Variants in NADK observed in about 807,000 individuals in gnomAD.
The protein encoded by NADK is poly(P)/ATP NAD kinase.
Under a neutral mutation model 49.8 loss-of-function variants are expected in NADK, and 22 were observed. The observed-to-expected ratio is 0.44, with a 90% confidence interval of 0.32 to 0.63. The LOEUF (loss-of-function observed/expected upper bound fraction) is 0.63. Ranked by LOEUF, NADK falls within the 30% of genes least tolerant of loss-of-function variation. The pLI is 0.06. For missense variants in NADK, 438 were observed against 609.4 expected (o/e 0.72, Z 2.96); for synonymous variants, 268 against 253.7 (o/e 1.06, Z -0.54).
chr1:1,754,009 AAAT>A lies in NADK; in HGVS notation c.1101+39_1101+41del, dbSNP rs1411353041. Reference sequence around the variant, plus strand: ...TCCCGGCTTTGTGTTGCACGGGGTCAAATGACTCACAAACCGGAAAAGGAGTGT... The same window carrying A: ...TCCCGGCTTTGTGTTGCACGGGGTCAGACTCACAAACCGGAAAAGGAGTGT... On this transcript the variant is annotated intron_variant, in intron 10 of 11. Transcript: ENST00000341426. This position sits in a 1 kb window ranked among gnomAD's most constrained non-coding sequence, Gnocchi z 4.3. 1 of 1,536,436 alleles carries A rather than the reference AAAT, an allele frequency of 6.5e-7. No homozygotes were observed. The highest frequency in any genetic ancestry group is 1.2e-5 in the South Asian group (1 of 80,012).
rs376981689 is a variant in NADK, at chr1:1,771,682, G to C, written c.-40-6236C>G. On this transcript the variant is annotated intron_variant, in intron 1 of 11. Transcript: ENST00000341426. ...TAGTTCTGAACAACTGGACAGCCAC[G>C]TCTAAAAGAACGAAGCCCAACCACT... is the stretch of plus-strand genomic sequence containing the variant. Among the ~76,000 whole-genome samples the C allele has an allele frequency of 8.6e-4, 131 of 152,236 alleles. 1 individual carries two copies. In the South Asian group the frequency reaches 0.027, roughly 32 times the overall value.
intron 6 of NADK, 44 bp downstream of exon 6, chr1:1,756,214 C>G: frequency 3.9e-6 from 6 of 1,555,702 alleles, no homozygotes; most frequent in Non-Finnish European, 5.3e-6. Context: ...TACGCAGCAC[C>G]TAGACTAGAA....
At chr1:1,760,226 A>G in intron 3 of NADK, among the ~76,000 whole-genome samples, 1 of 152,182 alleles carries the variant, frequency 6.6e-6, no homozygotes. Context: ...CGCCTCAGGC[A>G]TTTGGCAGCA....
intron 3 of NADK, chr1:1,759,183 G>A (rs1457396932): frequency 5.7e-6 from 9 of 1,569,430 alleles, no homozygotes; most frequent in South Asian, 1.2e-5. Flanking sequence ...TCGTACACCG[G>A]CCCAGGCACC....
rs145143319 is a variant in NADK at position 1,768,806 on chromosome 1, A to T, written c.-40-3360T>A. Reference sequence around the variant, plus strand: ...ACTTTGTTACAGCAGCCTAAATAAAACAACTAAAATATGTGAGATGATGGC... The same window carrying T: ...ACTTTGTTACAGCAGCCTAAATAAATCAACTAAAATATGTGAGATGATGGC... On this transcript the variant is annotated intron_variant, in intron 1 of 11. Coordinates refer to ENST00000341426, the MANE Select transcript of NADK (RefSeq NM_023018.5). 2.0e-5 allele frequency among the ~76,000 whole-genome samples: 3 copies of T among 152,312 alleles called. No homozygotes were observed. In the East Asian group the frequency reaches 5.8e-4, roughly 29 times the overall value.
intron 3 of NADK, among the ~76,000 whole-genome samples, chr1:1,758,112 A>G (rs1193909391): frequency 6.6e-6 from 1 of 152,176 alleles, no homozygotes; most frequent in East Asian, 1.9e-4. Context: ...GGGGCTGGCC[A>G]CCGTCGTCAG....
At position 1,765,250 on chromosome 1, in the gene NADK, G is replaced by A. The variant is rs759164588; in HGVS notation, c.157C>T (p.Leu53=). The A allele has an allele frequency of 1.2e-6, 2 of 1,611,232 alleles. No individual in the cohort carries two copies. Among genetic ancestry groups the A allele is most frequent in the East Asian group, 4.5e-5 (2 of 44,746 alleles). The change falls in exon 2 of 12, where the codon CTG becomes TTG. Residue 53 remains leucine (L), a synonymous_variant. Coordinates refer to ENST00000341426, the MANE Select transcript of NADK (RefSeq NM_023018.5). ...KSRSLSASPA[L]GSTKEFRRTR... is the part of the protein sequence containing the mutation. ...TACCTGAACTCCTTGGTGCTCCCCA[G>A]GGCGGGCGAGGCAGACAGGCTGCGA...
At chr1:1,768,672 T>G (rs1279473793) in intron 1 of NADK, among the ~76,000 whole-genome samples, 1 of 152,194 alleles carries the variant, frequency 6.6e-6, no homozygotes, top group Admixed American at 6.5e-5. Flanking sequence ...AAAGAGAGTC[T>G]TTACGATGAA....
In NADK at chr1:1,765,310, T is replaced by C; in HGVS notation, c.97A>G (p.Ser33Gly). The C allele has an allele frequency of 3.1e-6, 5 of 1,613,600 alleles. No homozygotes were observed. Among genetic ancestry groups the C allele is most frequent in the Non-Finnish European group, 4.2e-6 (5 of 1,179,846 alleles). The change falls in exon 2 of 12, where the codon AGT becomes GGT. Residue 33 changes from serine to glycine, a missense_variant. Ser to Gly is a moderately conservative substitution (Grantham distance 56). Transcript: ENST00000341426. ...CGGCCCCGGATGGGGTGGTTGTAAC[T>C]CCAGGTCTCATCGCCGTGGCAGGCC... ...CSACHGDETWSYNHPIRGRAK... is the reference protein window; with the variant it reads ...CSACHGDETWGYNHPIRGRAK...
At chr1:1,761,924 C>A in intron 3 of NADK, 28 bp downstream of exon 3, 3 of 1,608,106 alleles carry the variant, frequency 1.9e-6, no homozygotes, top group Non-Finnish European at 2.6e-6. Context: ...CTTCCAAGAA[C>A]CCCCCGTCCT....
intron 4 of NADK, 33 bp downstream of exon 4, chr1:1,757,148 A>AGCCCCCGCCCCCCACCCCCCCCCCC: frequency 1.2e-6 from 1 of 859,202 alleles, no homozygotes; most frequent in Non-Finnish European, 1.8e-6. Context: ...CTCCATGTGC[A>AGCCCCCGCCCCCCACCCCCCCCCCC]CCCCAGGCCC....
intron 3 of NADK, chr1:1,759,874 G>T (rs1256577731): frequency 6.4e-7 from 1 of 1,550,738 alleles, no homozygotes; most frequent in Non-Finnish European, 8.7e-7. Flanking sequence ...GAAGGCAGCA[G>T]CTGAGATGCG....
In NADK at chr1:1,753,588, T is replaced by C. The variant is rs1645403848; in HGVS notation, c.1163A>G (p.Gln388Arg). 6.2e-7 allele frequency: 1 copy of C among 1,612,642 alleles called. No homozygotes were observed. Among genetic ancestry groups the C allele is most frequent in the Admixed American group, 1.7e-5 (1 of 59,912 alleles). Residue 388 changes from glutamine to arginine, a missense_variant, in exon 11 of 12, where the codon CAA (glutamine) becomes CGA (arginine). Transcript: ENST00000341426. ...ACACCTGTCTCCATGGCGGATCTCT[T>C]GTCTCTTCCGTCCATCAAAGGACAC... ...AWVSFDGRKR[Q>R]EIRHGDSISI...
chr1:1,777,904 C>A (rs933217656), intron 1 of NADK, among the ~76,000 whole-genome samples: 1 of 152,200 alleles, frequency 6.6e-6, no homozygotes, highest in Non-Finnish European at 1.5e-5. Flanking sequence ...AGGTTTGGGC[C>A]CCTCTAAGCT....
chr1:1,756,957 C>T (rs530944196), intron 4 of NADK: 15 of 850,008 alleles, frequency 1.8e-5, no homozygotes, highest in East Asian at 1.3e-4. Flanking sequence ...CCTCCAGGGC[C>T]ACGAGCCCAC....
In NADK at chr1:1,752,484, C is replaced by G. The variant is rs1187728016; in HGVS notation, c.*420G>C. 6.4e-6 allele frequency: 1 copy of G among 157,330 alleles called. No homozygotes were observed. Among genetic ancestry groups the G allele is most frequent in the Non-Finnish European group, 1.4e-5 (1 of 71,380 alleles). The allele number at this position is 157,330 out of a possible 1,614,324, so 9.7% of individuals were successfully genotyped here. On this transcript the variant is annotated 3_prime_UTR_variant, in exon 12 of 12. Transcript: ENST00000341426. ...AAGTTTTAGGGGAAGAGGTGCAGGT[C>G]AAGGGGAAAAGCATGGCAGCTCAAG...
intron 3 of NADK, chr1:1,759,653 G>T: frequency 1.4e-6 from 2 of 1,440,998 alleles, no homozygotes; most frequent in Non-Finnish European, 9.3e-7. Context: ...TGATCCCAGA[G>T]ACACAGAGCC....
intron 3 of NADK, among the ~76,000 whole-genome samples, chr1:1,760,877 C>T (rs771842572): frequency 4.6e-5 from 7 of 152,246 alleles, no homozygotes; most frequent in African/African-American, 1.4e-4. Flanking sequence ...GTCGCCCAGG[C>T]GGAATGCACT....
At chr1:1,756,732 C>G (rs150316715) in intron 4 of NADK, 124 bp from the exon 5 acceptor site, 12 of 1,539,990 alleles carry the variant, frequency 7.8e-6, no homozygotes, top group Non-Finnish European at 1.1e-5. Context: ...CGCCCCCCCA[C>G]GCTCACGCTG....
Sources: gnomAD v4.1 joint callset for allele counts (sites outside exome capture counted in the v4.1 genomes callset) on GRCh38, gnomAD v4.1.1 for gene constraint, Gnocchi (gnomAD v3.1) non-coding constraint, MANE v1.5 for transcripts, NCBI Gene and HGNC (gene_info 2026-07-23, HGNC 2026-07-21) for gene names.